Variants in MTERF4 observed in about 807,000 individuals in gnomAD.
The protein encoded by MTERF4 is transcription termination factor 4, mitochondrial.
A neutral mutation model predicts 22.5 loss-of-function variants in MTERF4; 17 were observed. The observed-to-expected ratio is 0.75, with a 90% confidence interval of 0.52 to 1.13. MTERF4 has a LOEUF of 1.13. MTERF4 is among the 50% of genes most tolerant of loss of function. The probability of loss-of-function intolerance (pLI) is 0.00; values close to 1 mark genes in which losing one functional copy is unlikely to be tolerated. For synonymous variants in MTERF4, 165 were observed against 175.3 expected, an observed-to-expected ratio of 0.94 and a Z score of 0.47; for missense variants, 420 against 466.8, an observed-to-expected ratio of 0.90 and a Z score of 0.92.
downstream of MTERF4, chr2:241,089,471 A>AC (rs2063766944): frequency 6.6e-7 from 1 of 1,524,742 alleles, no homozygotes; most frequent in Non-Finnish European, 8.8e-7. Flanking sequence ...GAGTGTCCAC[A>AC]CCCCCTTGGG....
downstream of MTERF4, chr2:241,087,639 A>G (rs1238776387): frequency 4.2e-6 from 6 of 1,427,102 alleles, no homozygotes; most frequent in African/African-American, 2.9e-5. Context: ...ACGAAACTGT[A>G]TGTCCATATA....
the MTERF4 span, chr2:241,048,717 CA>C: frequency 6.2e-7 from 1 of 1,612,982 alleles, no homozygotes; most frequent in Non-Finnish European, 8.5e-7. Flanking sequence ...GCGCCAACAC[CA>C]CCCTCTGCCA....
At chr2:241,064,269 C>T in the MTERF4 span, 4 of 611,922 alleles carry the variant, frequency 6.5e-6, no homozygotes, top group Non-Finnish European at 1.1e-5. This position sits in a 1 kb window ranked among gnomAD's most constrained non-coding sequence, Gnocchi z 7.0. Flanking sequence ...TGGAAGTCCC[C>T]TTCTCAGGCC....
downstream of MTERF4, among the ~76,000 whole-genome samples, chr2:241,085,860 C>CTTTTTTTT (rs772995766): frequency 1.1e-4 from 9 of 79,188 alleles, no homozygotes; most frequent in Admixed American, 3.1e-4. Context: ...TCTGCGGTTT[C>CTTTTTTTT]TTTTTTTTTT....
downstream of MTERF4, chr2:241,094,567 A>G (rs914661867): frequency 2.8e-6 from 1 of 362,520 alleles, no homozygotes; most frequent in African/African-American, 2.1e-5. The surrounding 1 kb of genome is among the most constrained non-coding windows in gnomAD (Gnocchi z 4.3). Context: ...TTTCTTTTAA[A>G]TAAAATAATA....
rs1451691851 is a variant in MTERF4, at chr2:241,099,752, A to G, written c.164T>C (p.Leu55Ser). 6 of 1,614,182 alleles carry G rather than the reference A, an allele frequency of 3.7e-6. No homozygotes were observed. Among genetic ancestry groups the G allele is most frequent in the Non-Finnish European group, 5.1e-6 (6 of 1,180,034 alleles). Residue 55 changes from leucine to serine, a missense_variant, in exon 2 of 4, where the codon TTA (leucine) becomes TCA (serine). Coordinates refer to ENST00000391980, the MANE Select transcript of MTERF4 (RefSeq NM_182501.4). ...ATAGTTATTGGATCTAACACAAGAT[A>G]ACTCCTCAATGACCCCTCCATTGGA... ...TASNGGVIEE[L>S]SCVRSNNYVQ...
chr2:241,071,458 G>GC (rs777353933), downstream of MTERF4: 49 of 1,219,790 alleles, frequency 4.0e-5, 1 homozygote, highest in South Asian at 5.3e-4. Context: ...CCACGCACAT[G>GC]CCCCCCTTCC....
chr2:241,082,384 C>T, downstream of MTERF4: 1 of 1,582,958 alleles, frequency 6.3e-7, no homozygotes, highest in Non-Finnish European at 8.7e-7. Flanking sequence ...TTTCTGTCCT[C>T]CGCCTTACCG....
downstream of MTERF4, among the ~76,000 whole-genome samples, chr2:241,070,807 C>T (rs570105045): frequency 4.6e-5 from 7 of 152,302 alleles, no homozygotes; most frequent in African/African-American, 1.4e-4. Flanking sequence ...AATGCAGGAG[C>T]AGAACAGGGA....
In MTERF4 at chr2:241,099,865, G is replaced by A. The variant is rs146847991; in HGVS notation, c.51C>T (p.Leu17=). The stretch of plus-strand genomic sequence containing the variant: ...TCTGCCTAGCCATACAGGCCCAGGT[G>A]AGGGGGATCAGGCGGTGCCAATCAA... ...QVLDWHRLIP[L]TWACMARQTP... Residue 17 remains leucine (L), a synonymous_variant, in exon 2 of 4, where the codon CTC becomes CTT. Coordinates refer to ENST00000391980, the MANE Select transcript of MTERF4 (RefSeq NM_182501.4). The A allele has an allele frequency of 3.6e-5, 58 of 1,613,456 alleles. No homozygotes were observed. Among genetic ancestry groups the A allele is most frequent in the Non-Finnish European group, 4.7e-5 (55 of 1,180,038 alleles).
the MTERF4 span, among the ~76,000 whole-genome samples, chr2:241,046,964 G>A: frequency 6.6e-6 from 1 of 151,988 alleles, no homozygotes; most frequent in South Asian, 2.1e-4. Flanking sequence ...CCAACAGAGT[G>A]AAACCCCATC....
the MTERF4 span, among the ~76,000 whole-genome samples, chr2:241,045,798 G>T: frequency 2.3e-4 from 35 of 151,252 alleles, 1 homozygote; most frequent in South Asian, 7.1e-3. Context: ...AAAAGAAAAA[G>T]ATAAATTAGA....
intron 4 of MTERF4, among the ~76,000 whole-genome samples, chr2:241,077,159 C>T (rs4447601): frequency 0.22 from 34,051 of 152,042 alleles, 4,149 homozygotes; most frequent in Middle Eastern, 0.31. Flanking sequence ...GGGCTGAAAC[C>T]ATTCAATGTG....
chr2:241,065,685 C>A, the MTERF4 span: 1 of 1,109,858 alleles, frequency 9.0e-7, no homozygotes, highest in Non-Finnish European at 1.3e-6. Flanking sequence ...GCTGTCATGC[C>A]GTCCACCCTC....
downstream of MTERF4, chr2:241,087,853 G>A (rs372676709): frequency 2.1e-6 from 1 of 487,122 alleles, no homozygotes; most frequent in Non-Finnish European, 3.3e-6. Context: ...TTCCACAAAG[G>A]GTTCAAGGTA....
downstream of MTERF4, among the ~76,000 whole-genome samples, chr2:241,070,666 G>A (rs1000352817): frequency 6.6e-6 from 1 of 152,224 alleles, no homozygotes; most frequent in East Asian, 1.9e-4. Context: ...GGCAGAAGCC[G>A]CTCGGAGTGG....
At chr2:241,049,198 G>A in the MTERF4 span, 46 of 1,310,292 alleles carry the variant, frequency 3.5e-5, no homozygotes, top group East Asian at 7.5e-5. Context: ...GGAGAAAGCG[G>A]TGGATGAGGC....
At chr2:241,051,952 T>C in the MTERF4 span, 1 of 1,481,818 alleles carries the variant, frequency 6.7e-7, no homozygotes, top group Non-Finnish European at 9.3e-7. This position sits in a 1 kb window ranked among gnomAD's most constrained non-coding sequence, Gnocchi z 4.7. Flanking sequence ...GCTGTGGGTC[T>C]GCTTCTCATG....
chr2:241,053,030 G>T, the MTERF4 span: 1 of 907,688 alleles, frequency 1.1e-6, no homozygotes, highest in Non-Finnish European at 1.6e-6. Flanking sequence ...ACCTTTCCCC[G>T]GTGAAGGGCA....
Sources: allele counts gnomAD v4.1 joint callset (sites outside exome capture counted in the v4.1 genomes callset), GRCh38; gene constraint gnomAD v4.1.1; non-coding constraint Gnocchi (gnomAD v3.1); transcripts MANE v1.5; gene names NCBI Gene and HGNC (gene_info 2026-07-23, HGNC 2026-07-21).